Variants in BTRC observed in about 807,000 individuals in gnomAD.
The protein encoded by BTRC is beta-transducin repeat containing E3 ubiquitin protein ligase.
BTRC carries 42 observed loss-of-function variants against 85.5 expected under a neutral mutation model. That is an observed-to-expected ratio of 0.49 (90% CI 0.38 to 0.64). The LOEUF (loss-of-function observed/expected upper bound fraction) is 0.64. Ranked by LOEUF, BTRC falls within the 30% of genes least tolerant of loss-of-function variation. BTRC has a pLI of 0.00. For missense variants in BTRC, 594 were observed against 743.5 expected, an observed-to-expected ratio of 0.80 and a Z score of 2.34; for synonymous variants, 255 against 263.3, an observed-to-expected ratio of 0.97 and a Z score of 0.30.
chr10:101,400,032 C>T (rs1053817114), intron 1 of BTRC, among the ~76,000 whole-genome samples: 2 of 152,128 alleles, frequency 1.3e-5, no homozygotes, highest in African/African-American at 4.8e-5. Flanking sequence ...ATGTATCAGG[C>T]AATCAAATAG....
At chr10:101,446,119 A>T (rs1393264120) in intron 2 of BTRC, among the ~76,000 whole-genome samples, 1 of 42,608 alleles carries the variant, frequency 2.3e-5, no homozygotes, top group African/African-American at 9.1e-5. Context: ...CACCCCCCCA[A>T]CCCCCTCCGT....
chr10:101,417,010 G>GTT (rs5787430), intron 1 of BTRC, among the ~76,000 whole-genome samples: 65 of 151,082 alleles, frequency 4.3e-4, no homozygotes, highest in South Asian at 1.3e-3. Flanking sequence ...AATGCAAATT[G>GTT]TTTTTTTTTC....
intron 3 of BTRC, among the ~76,000 whole-genome samples, chr10:101,465,003 A>AT (rs902827625): frequency 9.9e-5 from 15 of 151,968 alleles, no homozygotes; most frequent in African/African-American, 2.9e-4. Flanking sequence ...CCCATTGCTG[A>AT]TTTTTTTTAA....
intron 1 of BTRC, among the ~76,000 whole-genome samples, chr10:101,368,743 G>C (rs919900604): frequency 6.6e-6 from 1 of 152,006 alleles, no homozygotes; most frequent in Non-Finnish European, 1.5e-5. Context: ...TTGAGGCCGG[G>C]TATAGTGGCT....
intron 4 of BTRC, among the ~76,000 whole-genome samples, chr10:101,491,108 T>C (rs1564804686): frequency 6.6e-6 from 1 of 152,148 alleles, no homozygotes; most frequent in Admixed American, 6.5e-5. Flanking sequence ...AGTAATTCCA[T>C]GTAACTTAAA....
intron 4 of BTRC, among the ~76,000 whole-genome samples, chr10:101,492,653 G>A (rs542186290): frequency 1.1e-4 from 17 of 152,184 alleles, no homozygotes; most frequent in African/African-American, 3.9e-4. Context: ...GATTGAAGGC[G>A]TTTTCTTTAA....
At chr10:101,552,012 C>T (rs921702676) in intron 14 of BTRC, among the ~76,000 whole-genome samples, 1 of 152,088 alleles carries the variant, frequency 6.6e-6, no homozygotes, top group Admixed American at 6.5e-5. Context: ...TCTCCATATA[C>T]CTACCCCCTC....
At position 101,442,154 on chromosome 10, in the gene BTRC, T is replaced by C. The variant is rs184776447; in HGVS notation, c.156+11702T>C. ...GTGGCACAGGTATTTTAAACCTAGC[T>C]CCAGTTCCTGAAGATGGTGAACATC... On this transcript the variant is annotated intron_variant, in intron 2 of 14. Coordinates refer to ENST00000370187, the MANE Select transcript of BTRC (RefSeq NM_033637.4). Among the ~76,000 whole-genome samples the C allele has an allele frequency of 8.3e-4, 127 of 152,272 alleles. No homozygotes were observed. The South Asian group carries it at 0.018, about 22-fold the overall frequency.
At chr10:101,483,207 A>C (rs1443769334) in intron 4 of BTRC, among the ~76,000 whole-genome samples, 1 of 152,216 alleles carries the variant, frequency 6.6e-6, no homozygotes, top group African/African-American at 2.4e-5. Context: ...TGTAGAATAC[A>C]AGAAACAAAG....
intron 1 of BTRC, among the ~76,000 whole-genome samples, chr10:101,398,427 C>T (rs767465239): frequency 1.3e-5 from 2 of 151,932 alleles, no homozygotes; most frequent in African/African-American, 2.4e-5. Flanking sequence ...CTCAGCCTCC[C>T]GAGTAGCTGG....
chr10:101,518,803 G>T (rs1460529125), intron 4 of BTRC, among the ~76,000 whole-genome samples: 1 of 152,052 alleles, frequency 6.6e-6, no homozygotes, highest in Non-Finnish European at 1.5e-5. Context: ...TTTCCTTCAT[G>T]TCTGAGTTAA....
chr10:101,413,961 T>G (rs1943853406), intron 1 of BTRC, among the ~76,000 whole-genome samples: 2 of 152,348 alleles, frequency 1.3e-5, no homozygotes, highest in South Asian at 2.1e-4. Context: ...GGGGCTGTTG[T>G]TTTTAACTGT....
intron 4 of BTRC, among the ~76,000 whole-genome samples, chr10:101,509,537 A>G (rs1946640441): frequency 6.9e-6 from 1 of 144,994 alleles, no homozygotes; most frequent in Non-Finnish European, 1.5e-5. Flanking sequence ...TACAGGCGTG[A>G]GCCACCGCGC....
rs981163681 is a variant in BTRC, at chr10:101,538,487, A to G, written c.1656+116A>G. ...TAGTTACAACCTCACAAAACCTACA[A>G]CTAAGTGGTAAGGCAACCAGTACAT... On this transcript the variant is annotated intron_variant, in intron 13 of 14. Transcript: ENST00000370187. 1.1e-5 allele frequency: 10 copies of G among 914,340 alleles called. No individual in the cohort carries two copies. In the African/African-American group the frequency reaches 1.2e-4, roughly 11 times the overall value. The allele number at this position is 914,340 out of a possible 1,614,324, so 56.6% of individuals were successfully genotyped here. A position where few individuals can be genotyped will look rare whatever the true frequency, so the allele number is the denominator to read the frequency against.
chr10:101,372,475 G>A (rs966104198), intron 1 of BTRC, among the ~76,000 whole-genome samples: 7 of 148,646 alleles, frequency 4.7e-5, no homozygotes, highest in African/African-American at 7.4e-5. Flanking sequence ...GGCTGGTCTC[G>A]AACTCCCTGA....
At chr10:101,415,083 T>C (rs1228802426) in intron 1 of BTRC, among the ~76,000 whole-genome samples, 1 of 152,186 alleles carries the variant, frequency 6.6e-6, no homozygotes, top group East Asian at 1.9e-4. Context: ...CCTTCACGTT[T>C]ATTGACCACT....
At chr10:101,437,744 T>G (rs933748005) in intron 2 of BTRC, among the ~76,000 whole-genome samples, 18 of 152,286 alleles carry the variant, frequency 1.2e-4, no homozygotes, top group African/African-American at 4.1e-4. Context: ...ACCACCTCCC[T>G]CTCATGTAAT....
At chr10:101,467,798 C>A (rs1349444784) in intron 3 of BTRC, among the ~76,000 whole-genome samples, 1 of 151,936 alleles carries the variant, frequency 6.6e-6, no homozygotes, top group East Asian at 1.9e-4. Context: ...GTTTTAATTA[C>A]CTATTTATAA....
chr10:101,509,346 C>T (rs1447692632), intron 4 of BTRC, among the ~76,000 whole-genome samples: 1 of 143,250 alleles, frequency 7.0e-6, no homozygotes, highest in African/African-American at 2.6e-5. Context: ...GCTCCGCCTC[C>T]CGGGTTCACG....
Sources: allele counts gnomAD v4.1 joint callset (sites outside exome capture counted in the v4.1 genomes callset), GRCh38; gene constraint gnomAD v4.1.1; transcripts MANE v1.5; gene names NCBI Gene and HGNC (gene_info 2026-07-23, HGNC 2026-07-21).